The following PROB1 variants were observed in gnomAD, a reference collection of about 807,000 sequenced individuals.
PROB1 encodes proline rich basic protein 1.
For synonymous variants in PROB1, 660 were observed against 699.3 expected (o/e 0.94, Z 0.89); for missense variants, 1,453 against 1,485.7 (o/e 0.98, Z 0.36).
chr5:139,394,000 T>C lies in PROB1; in HGVS notation c.1082A>G (p.Glu361Gly). ...CCTCTGAACAGTTCGATCCGGCGCC[T>C]CTCGCGGGAACCGAGTCTTCCGCGC... Reference protein sequence around the residue: ...QEARKTRFPREAPDRTVQRAR... With the variant: ...QEARKTRFPRGAPDRTVQRAR... Residue 361 changes from glutamate to glycine, a missense_variant, in exon 1 of 1, where the codon GAG becomes GGG. Physicochemically the swap from Glu to Gly is moderately conservative, Grantham distance 98. Coordinates refer to ENST00000434752, the MANE Select transcript of PROB1 (RefSeq NM_001161546.2). 6 of 1,550,600 alleles carry C rather than the reference T, an allele frequency of 3.9e-6. No homozygotes were observed. The highest frequency in any genetic ancestry group is 5.2e-6 in the Non-Finnish European group (6 of 1,146,990).
chr5:139,391,339 GCC>G lies in PROB1; in HGVS notation c.*693_*694del, dbSNP rs1758598893. The G allele has an allele frequency of 6.6e-6, 1 of 152,262 alleles. No individual in the cohort carries two copies. The highest frequency in any genetic ancestry group is 2.4e-5 in the African/African-American group (1 of 41,420). 9.4% of individuals were successfully genotyped at this position (152,262 alleles called of 1,614,324 possible). ...AAAATGAGTCAGCTCAGCTCTGAGG[GCC>G]AGGCTCCCCATCTTCCCACCCCAAG... is the stretch of plus-strand genomic sequence containing the variant. On this transcript the variant is annotated 3_prime_UTR_variant, in exon 1 of 1. Coordinates refer to ENST00000434752, the MANE Select transcript of PROB1 (RefSeq NM_001161546.2). The surrounding 1 kb of genome is among the most constrained non-coding windows in gnomAD (Gnocchi z 4.8).
At position 139,392,431 on chromosome 5, in the gene PROB1, A is replaced by T. The variant is rs1484850476; in HGVS notation, c.2651T>A (p.Val884Glu). 6.8e-7 allele frequency: 1 copy of T among 1,466,896 alleles called. No individual in the cohort carries two copies. The highest frequency in any genetic ancestry group is 1.3e-5 in the South Asian group (1 of 76,054). 90.9% of individuals were successfully genotyped at this position (1,466,896 alleles called of 1,614,324 possible). A position where few individuals can be genotyped will look rare whatever the true frequency, so the allele number is the denominator to read the frequency against. ...GTAGTAGCGGCCGCTCTCGGGGTCCACCAAGACCTTCCCCAGGGGCGCGGC... is the reference window on the plus strand; with the variant it reads ...GTAGTAGCGGCCGCTCTCGGGGTCCTCCAAGACCTTCCCCAGGGGCGCGGC... Reference protein sequence around the residue: ...PGAAPLGKVLVDPESGRYYFV... With the variant: ...PGAAPLGKVLEDPESGRYYFV... Residue 884 changes from valine to glutamate, a missense_variant, in exon 1 of 1, where the codon GTG becomes GAG. Transcript: ENST00000434752. The surrounding 1 kb of genome is among the most constrained non-coding windows in gnomAD (Gnocchi z 5.8).
rs998933692 is a variant in PROB1, at chr5:139,390,937, C to T, written c.*1097G>A. On this transcript the variant is annotated 3_prime_UTR_variant, in exon 1 of 1. Transcript: ENST00000434752. ...CGGTTCAGAACTATATACAGACCCC[C>T]ACGCACACCACCTCCCACCTCATGC... The T allele has an allele frequency of 2.0e-5, 3 of 152,394 alleles. No homozygotes were observed. The highest frequency in any genetic ancestry group is 7.2e-5 in the African/African-American group (3 of 41,452). 9.4% of individuals were successfully genotyped at this position (152,394 alleles called of 1,614,324 possible).
At position 139,392,999 on chromosome 5, in the gene PROB1, A is replaced by G; in HGVS notation, c.2083T>C (p.Tyr695His). ...TCGAAGGACGGTTCAGGAGGCTCGT[A>G]GGGGTGCGGCACCACCGGTAGAAAA... ...KDFLPVVPHP[Y>H]EPPEPSFDTV... is the part of the protein sequence containing the mutation. Residue 695 changes from tyrosine (Y) to histidine (H), a missense_variant, in exon 1 of 1, where the codon TAC (tyrosine) becomes CAC (histidine). Physicochemically the swap from Tyr to His is moderately conservative, Grantham distance 83 (BLOSUM62 2). Coordinates refer to ENST00000434752, the MANE Select transcript of PROB1 (RefSeq NM_001161546.2). This position sits in a 1 kb window ranked among gnomAD's most constrained non-coding sequence, Gnocchi z 5.8. 1 of 1,517,812 alleles carries G rather than the reference A, an allele frequency of 6.6e-7. No individual in the cohort carries two copies. Among genetic ancestry groups the G allele is most frequent in the Non-Finnish European group, 8.8e-7 (1 of 1,131,010 alleles). The allele number at this position is 1,517,812 out of a possible 1,614,324, so 94.0% of individuals were successfully genotyped here.
Position 139,392,081 on chromosome 5 carries a change from T to C in PROB1, c.3001A>G (p.Ser1001Gly). ...TTGCCGGGCTGGGTGGGACCTGAGCTGGAGGGCGGCGCACAGAGGAGCAGA... is the reference window on the plus strand; with the variant it reads ...TTGCCGGGCTGGGTGGGACCTGAGCCGGAGGGCGGCGCACAGAGGAGCAGA... Reference protein sequence around the residue: ...PPLLLCAPPSSSGPTQPGKGS... With the variant: ...PPLLLCAPPSGSGPTQPGKGS... The change falls in exon 1 of 1, where the codon AGC (serine) becomes GGC (glycine). Residue 1001 changes from serine (S) to glycine (G), a missense_variant. By Grantham distance (56) the Ser-to-Gly change is moderately conservative. Transcript: ENST00000434752. This position sits in a 1 kb window ranked among gnomAD's most constrained non-coding sequence, Gnocchi z 5.8. The C allele has an allele frequency of 7.1e-7, 1 of 1,409,416 alleles. No homozygotes were observed. Among genetic ancestry groups the C allele is most frequent in the South Asian group, 1.6e-5 (1 of 62,884 alleles). 87.3% of individuals were successfully genotyped at this position (1,409,416 alleles called of 1,614,324 possible).
At position 139,392,055 on chromosome 5, in the gene PROB1, C is replaced by T; in HGVS notation, c.3027G>A (p.Lys1009=). 1 of 1,405,490 alleles carries T rather than the reference C, an allele frequency of 7.1e-7. No individual in the cohort carries two copies. The highest frequency in any genetic ancestry group is 9.3e-7 in the Non-Finnish European group (1 of 1,077,226). The allele number at this position is 1,405,490 out of a possible 1,614,324, so 87.1% of individuals were successfully genotyped here. A position where few individuals can be genotyped will look rare whatever the true frequency, so the allele number is the denominator to read the frequency against. ...PSSSGPTQPG[K]GSLFPL ...GGCCTCACAGCGGGAACAATGAACC[C>T]TTGCCGGGCTGGGTGGGACCTGAGC... The change falls in exon 1 of 1, where the codon AAG becomes AAA. Residue 1009 remains lysine (K), a synonymous_variant. Coordinates refer to ENST00000434752, the MANE Select transcript of PROB1 (RefSeq NM_001161546.2). The surrounding 1 kb of genome is among the most constrained non-coding windows in gnomAD (Gnocchi z 5.8).
At position 139,394,291 on chromosome 5, in the gene PROB1, G is replaced by C; in HGVS notation, c.791C>G (p.Pro264Arg). ...ALARKLSPEAPAPSSATFGST... is the reference protein window; with the variant it reads ...ALARKLSPEARAPSSATFGST... ...CCCGAAGGTGGCGCTGCTCGGGGCC[G>C]GGGCCTCGGGGCTCAGTTTTCTGGC... The change falls in exon 1 of 1, where the codon CCG becomes CGG. Residue 264 changes from proline (P) to arginine (R), a missense_variant. Coordinates refer to ENST00000434752, the MANE Select transcript of PROB1 (RefSeq NM_001161546.2). 2 of 1,519,892 alleles carry C rather than the reference G, an allele frequency of 1.3e-6. No homozygotes were observed. Among genetic ancestry groups the C allele is most frequent in the South Asian group, 2.5e-5 (2 of 81,288 alleles). The allele number at this position is 1,519,892 out of a possible 1,614,324, so 94.2% of individuals were successfully genotyped here. A position where few individuals can be genotyped will look rare whatever the true frequency, so the allele number is the denominator to read the frequency against.
chr5:139,394,731 G>C lies in PROB1; in HGVS notation c.351C>G (p.Val117=), dbSNP rs1284982014. ...PSGEMEVIFG[V]GPLFGCSGAD... is the part of the protein sequence containing the mutation. ...CGCCGGAGCAGCCGAACAGGGGTCC[G>C]ACGCCGAAGATGACTTCCATCTCCC... Residue 117 remains valine, a synonymous_variant, in exon 1 of 1, where the codon GTC becomes GTG. Coordinates refer to ENST00000434752, the MANE Select transcript of PROB1 (RefSeq NM_001161546.2). 6.5e-7 allele frequency: 1 copy of C among 1,532,498 alleles called. No homozygotes were observed. The highest frequency in any genetic ancestry group is 1.4e-5 in the African/African-American group (1 of 71,392). The allele number at this position is 1,532,498 out of a possible 1,614,324, so 94.9% of individuals were successfully genotyped here.
In PROB1 at chr5:139,393,633, A is replaced by C; in HGVS notation, c.1449T>G (p.His483Gln). Residue 483 changes from histidine (H) to glutamine (Q), a missense_variant, in exon 1 of 1, where the codon CAT (histidine) becomes CAG (glutamine). Coordinates refer to ENST00000434752, the MANE Select transcript of PROB1 (RefSeq NM_001161546.2). Reference sequence around the variant, plus strand: ...GCTCCACCGCATCCGCGACTGCCGAATGTGGAATCTCCCACAGGGAAGGGG... The same window carrying C: ...GCTCCACCGCATCCGCGACTGCCGACTGTGGAATCTCCCACAGGGAAGGGG... Reference protein sequence around the residue: ...LEAPSLWEIPHSAVADAVEPR... With the variant: ...LEAPSLWEIPQSAVADAVEPR... 6.5e-7 allele frequency: 1 copy of C among 1,549,272 alleles called. No homozygotes were observed. The highest frequency in any genetic ancestry group is 8.7e-7 in the Non-Finnish European group (1 of 1,146,438).
rs1470072120 is a variant in PROB1, at chr5:139,392,908, G to T, written c.2174C>A (p.Ala725Glu). 6.5e-7 allele frequency: 1 copy of T among 1,540,296 alleles called. No individual in the cohort carries two copies. The highest frequency in any genetic ancestry group is 1.2e-5 in the South Asian group (1 of 83,252). The change falls in exon 1 of 1, where the codon GCG becomes GAG. Residue 725 changes from alanine to glutamate, a missense_variant. Physicochemically the swap from Ala to Glu is moderately radical, Grantham distance 107. Coordinates refer to ENST00000434752, the MANE Select transcript of PROB1 (RefSeq NM_001161546.2). The surrounding 1 kb of genome is among the most constrained non-coding windows in gnomAD (Gnocchi z 5.8). ...GATCTCTGTGCGCTTGAAGGGCTTC[G>T]CCGTGCTGTTCTCTGCCCTCCGCCG... ...VLRRRAENST[A>E]KPFKRTEIRL...
rs950894759 is a variant in PROB1 at position 139,394,709 on chromosome 5, C to T, written c.373G>A (p.Gly125Ser). 1.2e-4 allele frequency: 185 copies of T among 1,532,828 alleles called. No individual in the cohort carries two copies. Among genetic ancestry groups the T allele is most frequent in the African/African-American group, 4.3e-4 (31 of 71,606 alleles). 95.0% of individuals were successfully genotyped at this position (1,532,828 alleles called of 1,614,324 possible). A position where few individuals can be genotyped will look rare whatever the true frequency, so the allele number is the denominator to read the frequency against. ...FGVGPLFGCS[G>S]ADDREAQQQF... is the part of the protein sequence containing the mutation. ...TGTTGCGCCTCGCGATCGTCTGCGC[C>T]GGAGCAGCCGAACAGGGGTCCGACG... is the stretch of plus-strand genomic sequence containing the variant. Residue 125 changes from glycine (G) to serine (S), a missense_variant, in exon 1 of 1, where the codon GGC becomes AGC. Transcript: ENST00000434752.
rs1020407146 is a variant in PROB1 at position 139,393,296 on chromosome 5, C to G, written c.1786G>C (p.Gly596Arg). The change falls in exon 1 of 1, where the codon GGC becomes CGC. Residue 596 changes from glycine (G) to arginine (R), a missense_variant. Transcript: ENST00000434752. ...GGGCACTTATCCGCGTCCAGGGTGC[C>G]CACAGGGTGGCTGCCGGGCGGCTCG... is the stretch of plus-strand genomic sequence containing the variant. ...APEPPGSHPV[G>R]TLDADKCPEV... 34 of 1,550,364 alleles carry G rather than the reference C, an allele frequency of 2.2e-5. No individual in the cohort carries two copies. Among genetic ancestry groups the G allele is most frequent in the Non-Finnish European group, 2.8e-5 (32 of 1,146,988 alleles).
rs559526824 is a variant in PROB1, at chr5:139,392,983, G to C, written c.2099C>G (p.Pro700Arg). ...VVPHPYEPPE[P>R]SFDTVARDAS... ...GTCCCGGGCGACCGTGTCGAAGGAC[G>C]GTTCAGGAGGCTCGTAGGGGTGCGG... Residue 700 changes from proline to arginine, a missense_variant, in exon 1 of 1, where the codon CCG becomes CGG. Pro to Arg is a moderately radical substitution (Grantham distance 103). Transcript: ENST00000434752. The surrounding 1 kb of genome is among the most constrained non-coding windows in gnomAD (Gnocchi z 5.8). 1.3e-6 allele frequency: 2 copies of C among 1,504,012 alleles called. No homozygotes were observed. Among genetic ancestry groups the C allele is most frequent in the Non-Finnish European group, 1.8e-6 (2 of 1,123,352 alleles). 93.2% of individuals were successfully genotyped at this position (1,504,012 alleles called of 1,614,324 possible).
chr5:139,393,997 G>C lies in PROB1; in HGVS notation c.1085C>G (p.Ala362Gly), dbSNP rs780357170. The stretch of plus-strand genomic sequence containing the variant: ...TGCCCTCTGAACAGTTCGATCCGGC[G>C]CCTCTCGCGGGAACCGAGTCTTCCG... ...EARKTRFPRE[A>G]PDRTVQRARS... The change falls in exon 1 of 1, where the codon GCG (alanine) becomes GGG (glycine). Residue 362 changes from alanine (A) to glycine (G), a missense_variant. Coordinates refer to ENST00000434752, the MANE Select transcript of PROB1 (RefSeq NM_001161546.2). 1.3e-6 allele frequency: 2 copies of C among 1,550,568 alleles called. No individual in the cohort carries two copies. Among genetic ancestry groups the C allele is most frequent in the Non-Finnish European group, 1.7e-6 (2 of 1,146,992 alleles).
chr5:139,392,424 G>T lies in PROB1; in HGVS notation c.2658C>A (p.Pro886=). The change falls in exon 1 of 1, where the codon CCC becomes CCA. Residue 886 remains proline (P), a synonymous_variant. Transcript: ENST00000434752. This position sits in a 1 kb window ranked among gnomAD's most constrained non-coding sequence, Gnocchi z 5.8. The part of the protein sequence containing the change: ...AAPLGKVLVD[P]ESGRYYFVEA... Reference sequence around the variant, plus strand: ...CCACAAAGTAGTAGCGGCCGCTCTCGGGGTCCACCAAGACCTTCCCCAGGG... The same window carrying T: ...CCACAAAGTAGTAGCGGCCGCTCTCTGGGTCCACCAAGACCTTCCCCAGGG... 1 of 1,494,122 alleles carries T rather than the reference G, an allele frequency of 6.7e-7. No homozygotes were observed. The highest frequency in any genetic ancestry group is 1.4e-5 in the African/African-American group (1 of 70,004). The allele number at this position is 1,494,122 out of a possible 1,614,324, so 92.6% of individuals were successfully genotyped here. A position where few individuals can be genotyped will look rare whatever the true frequency, so the allele number is the denominator to read the frequency against.
chr5:139,394,777 T>G lies in PROB1; in HGVS notation c.305A>C (p.Gln102Pro). ...PGSGPRPPQP[Q>P]LRTLPSGEME... ...CTCCCCCGACGGCAGCGTGCGCAGC[T>G]GGGGCTGGGGTGGCCGTGGGCCGGA... The change falls in exon 1 of 1, where the codon CAG (glutamine) becomes CCG (proline). Residue 102 changes from glutamine to proline, a missense_variant. Gln to Pro is a moderately conservative substitution (Grantham distance 76). Coordinates refer to ENST00000434752, the MANE Select transcript of PROB1 (RefSeq NM_001161546.2). The G allele has an allele frequency of 6.5e-7, 1 of 1,527,994 alleles. No homozygotes were observed. The highest frequency in any genetic ancestry group is 8.8e-7 in the Non-Finnish European group (1 of 1,138,610). The allele number at this position is 1,527,994 out of a possible 1,614,324, so 94.7% of individuals were successfully genotyped here.
Position 139,392,544 on chromosome 5 carries a change from C to G in PROB1, c.2538G>C (p.Thr846=), listed in dbSNP as rs1305635972. The G allele has an allele frequency of 4.5e-5, 61 of 1,347,336 alleles. No homozygotes were observed. Among genetic ancestry groups the G allele is most frequent in the Non-Finnish European group, 5.7e-5 (60 of 1,055,172 alleles). 83.5% of individuals were successfully genotyped at this position (1,347,336 alleles called of 1,614,324 possible). Residue 846 remains threonine, a synonymous_variant, in exon 1 of 1, where the codon ACG becomes ACC. Transcript: ENST00000434752. The surrounding 1 kb of genome is among the most constrained non-coding windows in gnomAD (Gnocchi z 5.8). ...AGGCAGCGCGGGGCTGGGCTGGGGCCGTCCTGCCCGCCAACGCCAGGGGCT... is the reference window on the plus strand; with the variant it reads ...AGGCAGCGCGGGGCTGGGCTGGGGCGGTCCTGCCCGCCAACGCCAGGGGCT... ...PREPLALAGR[T]APAQPRAASA...
chr5:139,392,055 C>G lies in PROB1; in HGVS notation c.3027G>C (p.Lys1009Asn). Residue 1009 changes from lysine to asparagine, a missense_variant, in exon 1 of 1, where the codon AAG becomes AAC. Coordinates refer to ENST00000434752, the MANE Select transcript of PROB1 (RefSeq NM_001161546.2). The surrounding 1 kb of genome is among the most constrained non-coding windows in gnomAD (Gnocchi z 5.8). Reference protein sequence around the residue: ...PSSSGPTQPGKGSLFPL With the variant: ...PSSSGPTQPGNGSLFPL ...GGCCTCACAGCGGGAACAATGAACC[C>G]TTGCCGGGCTGGGTGGGACCTGAGC... The G allele has an allele frequency of 2.1e-6, 3 of 1,405,490 alleles. No individual in the cohort carries two copies. The allele number at this position is 1,405,490 out of a possible 1,614,324, so 87.1% of individuals were successfully genotyped here.
rs2152076453 is a variant in PROB1 at position 139,392,301 on chromosome 5, GT to G, written c.2780del (p.His927ProfsTer57). The G allele has an allele frequency of 6.5e-7, 1 of 1,533,790 alleles. No individual in the cohort carries two copies. The highest frequency in any genetic ancestry group is 8.8e-7 in the Non-Finnish European group (1 of 1,139,280). ...LLPPSSPGPPHRVYTPLALGL... is the reference protein window; with the variant it reads ...LLPPSSPGPPXRVYTPLALGL... Reference sequence around the variant, plus strand: ...CCAGGGCCAGAGGGGTGTAGACGCGGTGGGGCGGCCCGGGAGACGAGGGCGG... The same window carrying G: ...CCAGGGCCAGAGGGGTGTAGACGCGGGGGGCGGCCCGGGAGACGAGGGCGG... On this transcript the variant is annotated frameshift_variant, in exon 1 of 1. Transcript: ENST00000434752. LOFTEE classifies it low-confidence loss of function (END_TRUNC). This position sits in a 1 kb window ranked among gnomAD's most constrained non-coding sequence, Gnocchi z 5.8.
Sources: allele counts gnomAD v4.1 joint callset, GRCh38; gene constraint gnomAD v4.1.1; non-coding constraint Gnocchi (gnomAD v3.1); transcripts MANE v1.5; gene names NCBI Gene and HGNC (gene_info 2026-07-23, HGNC 2026-07-21).